The following ACOXL variants were observed in gnomAD, a reference collection of about 807,000 sequenced individuals.
ACOXL encodes the protein acyl-coenzyme A oxidase-like protein.
Under a neutral mutation model 71.9 loss-of-function variants are expected in ACOXL, and 70 were observed. The observed-to-expected ratio is 0.97, with a 90% CI of 0.80 to 1.19. The LOEUF is 1.19. Among genes scored for constraint, ACOXL ranks in the 50% most tolerant of loss-of-function variants. ACOXL has a pLI of 0.00. For missense variants in ACOXL, 703 were observed against 736.3 expected, an observed-to-expected ratio of 0.95 and a Z score of 0.52; for synonymous variants, 253 against 281.6, an observed-to-expected ratio of 0.90 and a Z score of 1.02.
intron 11 of ACOXL, among the ~76,000 whole-genome samples, chr2:110,930,010 T>C (rs2149328299): frequency 6.6e-6 from 1 of 152,218 alleles, no homozygotes; most frequent in South Asian, 2.1e-4. Flanking sequence ...AAATGTGGGG[T>C]TGAAGCCCCT....
At chr2:110,892,675 T>C (rs1698055507) in intron 10 of ACOXL, among the ~76,000 whole-genome samples, 1 of 152,142 alleles carries the variant, frequency 6.6e-6, no homozygotes, top group African/African-American at 2.4e-5. Flanking sequence ...TTACTTATTT[T>C]TTCAATTGTA....
intron 1 of ACOXL, among the ~76,000 whole-genome samples, chr2:110,760,045 T>C (rs1680186260): frequency 6.6e-6 from 1 of 152,132 alleles, no homozygotes; most frequent in Admixed American, 6.5e-5. Flanking sequence ...TTTTATTGTG[T>C]ATCCTGCTAA....
chr2:110,826,602 T>C (rs1047429085), intron 9 of ACOXL, among the ~76,000 whole-genome samples: 1 of 152,202 alleles, frequency 6.6e-6, no homozygotes, highest in African/African-American at 2.4e-5. Flanking sequence ...TGTTTCCACA[T>C]ACAGAGAAGC....
At chr2:110,958,125 G>A (rs921453482) in intron 12 of ACOXL, among the ~76,000 whole-genome samples, 2 of 151,454 alleles carry the variant, frequency 1.3e-5, no homozygotes, top group Non-Finnish European at 2.9e-5. Context: ...GCACGCGCAT[G>A]CATACACACG....
chr2:111,071,053 C>T (rs750408082), intron 16 of ACOXL, among the ~76,000 whole-genome samples: 2 of 152,192 alleles, frequency 1.3e-5, no homozygotes, highest in African/African-American at 2.4e-5. Flanking sequence ...CTCAACCCTC[C>T]TCTCCCCAGA....
chr2:110,869,531 C>T (rs1238779895), intron 10 of ACOXL, among the ~76,000 whole-genome samples: 1 of 152,186 alleles, frequency 6.6e-6, no homozygotes, highest in Non-Finnish European at 1.5e-5. Flanking sequence ...CTCCCAGGGG[C>T]ACATGCCAGC....
At chr2:110,930,778 C>G (rs2060452263) in intron 11 of ACOXL, among the ~76,000 whole-genome samples, 1 of 152,156 alleles carries the variant, frequency 6.6e-6, no homozygotes, top group South Asian at 2.1e-4. Flanking sequence ...GAGGTTTCCC[C>G]TTTCACTTGG....
intron 10 of ACOXL, among the ~76,000 whole-genome samples, chr2:110,875,102 C>T (rs191846436): frequency 3.3e-5 from 5 of 152,322 alleles, no homozygotes; most frequent in African/African-American, 9.6e-5. Context: ...GGTCCCTTGT[C>T]TGCACGCAGG....
At chr2:111,060,921 G>C (rs147626379) in intron 16 of ACOXL, among the ~76,000 whole-genome samples, 62 of 152,270 alleles carry the variant, frequency 4.1e-4, no homozygotes, top group African/African-American at 1.3e-3. Flanking sequence ...GGAGAGAACA[G>C]AGGAAAGAAT....
At chr2:111,087,661 A>C (rs1228487956) in intron 16 of ACOXL, among the ~76,000 whole-genome samples, 1 of 152,236 alleles carries the variant, frequency 6.6e-6, no homozygotes, top group East Asian at 1.9e-4. Flanking sequence ...AAATCAACTC[A>C]AGATGGATTA....
intron 11 of ACOXL, among the ~76,000 whole-genome samples, chr2:110,926,505 A>G (rs888549900): frequency 2.0e-5 from 3 of 152,298 alleles, no homozygotes; most frequent in African/African-American, 7.2e-5. Context: ...TGCTAATTGT[A>G]TAACATCGAG....
intron 10 of ACOXL, chr2:110,886,683 C>T: frequency 1.4e-6 from 2 of 1,474,788 alleles, no homozygotes; most frequent in Admixed American, 2.0e-5. Context: ...CTGTCCCTCC[C>T]CTATCCTTCT....
At chr2:110,968,582 G>C in intron 12 of ACOXL, 6 of 940,312 alleles carry the variant, frequency 6.4e-6, no homozygotes, top group Non-Finnish European at 9.8e-6. Context: ...TATACATCAA[G>C]TCTATGAAAA....
chr2:110,733,577 G>T (rs1573239521), intron 1 of ACOXL, among the ~76,000 whole-genome samples: 1 of 152,294 alleles, frequency 6.6e-6, no homozygotes, highest in East Asian at 1.9e-4. Flanking sequence ...TGTGCCCGTG[G>T]AGGATTAATT....
chr2:110,920,118 G>GT lies in ACOXL; in HGVS notation c.905+11216dup, dbSNP rs367894255. Reference sequence around the variant, plus strand: ...CTGGTAGGTCAAGTGGTAAGTGTATGTTTAACTTTATAAGAAATTGCTAAC... The same window carrying GT: ...CTGGTAGGTCAAGTGGTAAGTGTATGTTTTAACTTTATAAGAAATTGCTAAC... On this transcript the variant is annotated intron_variant, in intron 11 of 17. Coordinates refer to ENST00000439055, the MANE Select transcript of ACOXL (RefSeq NM_001142807.4). Among the ~76,000 whole-genome samples the GT allele has an allele frequency of 3.5e-3, 538 of 152,312 alleles. 4 individuals are homozygous for GT. The highest frequency in any genetic ancestry group is 6.7e-3 in the Non-Finnish European group (453 of 68,008).
At chr2:110,887,910 G>C (rs1289354013) in intron 10 of ACOXL, 1 of 152,098 alleles carries the variant, frequency 6.6e-6, no homozygotes, top group South Asian at 2.1e-4. Context: ...ATTGGAGGGC[G>C]TCTGTTTACC....
intron 14 of ACOXL, chr2:111,018,089 C>T (rs1553458103): frequency 6.6e-6 from 1 of 152,106 alleles, no homozygotes; most frequent in Non-Finnish European, 1.5e-5. Flanking sequence ...GACCTGTAAA[C>T]ATTTTTATTT....
chr2:110,791,484 TAACTC>T (rs1207101114), intron 3 of ACOXL, among the ~76,000 whole-genome samples: 1 of 152,220 alleles, frequency 6.6e-6, no homozygotes, highest in African/African-American at 2.4e-5. Flanking sequence ...TTTTTAAACT[TAACTC>T]CCAAGATGGT....
chr2:110,745,022 C>T (rs895273741), intron 1 of ACOXL, among the ~76,000 whole-genome samples: 2 of 152,218 alleles, frequency 1.3e-5, no homozygotes, highest in African/African-American at 4.8e-5. Context: ...CCTGAGGTAG[C>T]AACTGCCCTT....
Sources: gnomAD v4.1 joint callset for allele counts (sites outside exome capture counted in the v4.1 genomes callset) on GRCh38, gnomAD v4.1.1 for gene constraint, MANE v1.5 for transcripts, NCBI Gene and HGNC (gene_info 2026-07-23, HGNC 2026-07-21) for gene names.